ATF7IP: variants seen among roughly 807,000 people sequenced by gnomAD.
The protein encoded by ATF7IP is activating transcription factor 7-interacting protein 1.
In ATF7IP, 23 loss-of-function variants were observed where a neutral mutation model predicts 106.4. That is an observed-to-expected ratio of 0.22 (90% CI 0.16 to 0.31). The LOEUF (loss-of-function observed/expected upper bound fraction) is 0.31. ATF7IP is among the 10% of genes least tolerant of loss of function. The pLI is 1.00. For missense variants in ATF7IP, 1,334 were observed against 1,524.3 expected (o/e 0.88, Z 2.08); for synonymous variants, 542 against 539.0 (o/e 1.01, Z -0.08).
intron 13 of ATF7IP, among the ~76,000 whole-genome samples, chr12:14,491,459 C>T (rs1017243765): frequency 6.6e-6 from 1 of 152,186 alleles, no homozygotes; most frequent in African/African-American, 2.4e-5. Context: ...ATTTCCCATC[C>T]TCTGGCACAC....
intron 1 of ATF7IP, chr12:14,385,068 G>A (rs1448619057): frequency 3.7e-6 from 1 of 267,300 alleles, no homozygotes; most frequent in African/African-American, 2.2e-5. Context: ...TTGCAAGACG[G>A]GATTCACAGG....
At chr12:14,423,574 CTTT>C in intron 1 of ATF7IP, among the ~76,000 whole-genome samples, 4 of 34,428 alleles carry the variant, frequency 1.2e-4, no homozygotes, top group Admixed American at 3.7e-4. Flanking sequence ...TCTTCAGGTA[CTTT>C]TTTTTTTTTT....
At chr12:14,377,126 C>G (rs117565590) in intron 1 of ATF7IP, among the ~76,000 whole-genome samples, 1 of 151,548 alleles carries the variant, frequency 6.6e-6, no homozygotes, top group Non-Finnish European at 1.5e-5. Flanking sequence ...TTCCGAGTAG[C>G]TGGGATTACA....
At chr12:14,464,164 T>G (rs1244699775) in intron 9 of ATF7IP, among the ~76,000 whole-genome samples, 1 of 151,968 alleles carries the variant, frequency 6.6e-6, no homozygotes, top group African/African-American at 2.4e-5. Flanking sequence ...AATAAAAAAT[T>G]AGCTTGGCAT....
chr12:14,460,538 T>G lies in ATF7IP; in HGVS notation c.2202T>G (p.Ser734Arg). 6.2e-7 allele frequency: 1 copy of G among 1,614,164 alleles called. No homozygotes were observed. The highest frequency in any genetic ancestry group is 8.5e-7 in the Non-Finnish European group (1 of 1,180,012). Reference protein sequence around the residue: ...NLVTPPAVVSSQPKLQTPVTS... With the variant: ...NLVTPPAVVSRQPKLQTPVTS... Reference sequence around the variant, plus strand: ...TCACTCCTCCAGCAGTTGTCAGTAGTCAACCTAAATTGCAGACTCCAGTGA... The same window carrying G: ...TCACTCCTCCAGCAGTTGTCAGTAGGCAACCTAAATTGCAGACTCCAGTGA... The change falls in exon 9 of 15, where the codon AGT (serine) becomes AGG (arginine). Residue 734 changes from serine (S) to arginine (R), a missense_variant. Ser to Arg is a moderately radical substitution (Grantham distance 110). This residue lies in a region of ATF7IP where 171 missense variants were observed against 172.6 expected (regional missense o/e 0.99). Transcript: ENST00000261168.
rs138172804 is a variant in ATF7IP at position 14,398,037 on chromosome 12, A to G, written c.-7-25872A>G. Among the ~76,000 whole-genome samples, 74 of 152,186 alleles carry G rather than the reference A, an allele frequency of 4.9e-4. No homozygotes were observed. In the East Asian group the frequency reaches 0.012, roughly 24 times the overall value. ...TATTTGAAACAATTGTTACGTTATT[A>G]TGTTTTCTTAATAATTTCTCATGTT... is the stretch of plus-strand genomic sequence containing the variant. On this transcript the variant is annotated intron_variant, in intron 1 of 14. Transcript: ENST00000261168.
chr12:14,439,320 C>T (rs1217903002), intron 5 of ATF7IP, among the ~76,000 whole-genome samples: 2 of 152,158 alleles, frequency 1.3e-5, no homozygotes, highest in Non-Finnish European at 2.9e-5. Context: ...CCATGGAAGT[C>T]AAATCACTTT....
In ATF7IP at chr12:14,502,685, A is replaced by G. The variant is rs1403308973; in HGVS notation, c.*4612A>G. On this transcript the variant is annotated 3_prime_UTR_variant, in exon 15 of 15. Transcript: ENST00000261168. ...TGCATCCTAATTTTTCTTTATTGCA[A>G]TTGAAAGTGTAAATAATAAGACAAT... is the stretch of plus-strand genomic sequence containing the variant. 6.6e-6 allele frequency: 1 copy of G among 152,178 alleles called. No homozygotes were observed. Among genetic ancestry groups the G allele is most frequent in the East Asian group, 1.9e-4 (1 of 5,200 alleles). 9.4% of individuals were successfully genotyped at this position (152,178 alleles called of 1,614,324 possible). A position where few individuals can be genotyped will look rare whatever the true frequency, so the allele number is the denominator to read the frequency against.
At chr12:14,388,087 C>T (rs1379033000) in intron 1 of ATF7IP, among the ~76,000 whole-genome samples, 1 of 149,446 alleles carries the variant, frequency 6.7e-6, no homozygotes, top group Non-Finnish European at 1.5e-5. Context: ...TTCCTCGGCT[C>T]ACTGCACCCT....
In ATF7IP at chr12:14,424,582, G is replaced by T. The variant is rs762696534; in HGVS notation, c.667G>T (p.Asp223Tyr). 1.2e-6 allele frequency: 2 copies of T among 1,614,170 alleles called. No individual in the cohort carries two copies. The highest frequency in any genetic ancestry group is 1.7e-6 in the Non-Finnish European group (2 of 1,180,038). The change falls in exon 2 of 15, where the codon GAT becomes TAT. Residue 223 changes from aspartate (D) to tyrosine (Y), a missense_variant. Asp to Tyr is a radical substitution (Grantham distance 160). Transcript: ENST00000261168. ...EPVPVEPISGDCAADDIASSE... is the reference protein window; with the variant it reads ...EPVPVEPISGYCAADDIASSE... ...GGTCCCTGTTGAACCCATTTCTGGT[G>T]ATTGTGCCGCTGATGATATAGCCTC...
intron 1 of ATF7IP, among the ~76,000 whole-genome samples, chr12:14,379,713 C>A (rs572737475): frequency 2.5e-4 from 38 of 152,254 alleles, no homozygotes; most frequent in South Asian, 1.9e-3. Flanking sequence ...GGTTGAAATT[C>A]TTTTCCTTCA....
intron 1 of ATF7IP, among the ~76,000 whole-genome samples, chr12:14,404,735 T>G (rs1232342508): frequency 5.3e-5 from 8 of 152,156 alleles, no homozygotes. Flanking sequence ...AATGTACAAC[T>G]TAGTAACAAA....
intron 1 of ATF7IP, among the ~76,000 whole-genome samples, chr12:14,409,718 A>G (rs1054520138): frequency 6.6e-6 from 1 of 152,112 alleles, no homozygotes; most frequent in African/African-American, 2.4e-5. Flanking sequence ...TATTTTACAC[A>G]TACTGCCTTT....
intron 2 of ATF7IP, among the ~76,000 whole-genome samples, chr12:14,426,947 C>T (rs1047517662): frequency 5.3e-5 from 8 of 151,806 alleles, no homozygotes; most frequent in Non-Finnish European, 1.2e-4. Context: ...TAGTATTTGC[C>T]CTCAGGATAC....
chr12:14,425,939 C>G (rs1462748796), intron 2 of ATF7IP, among the ~76,000 whole-genome samples: 1 of 152,174 alleles, frequency 6.6e-6, no homozygotes, highest in African/African-American at 2.4e-5. Flanking sequence ...CCAGGAATGA[C>G]AGCACCATTG....
chr12:14,431,793 G>A (rs1399965578), intron 2 of ATF7IP, among the ~76,000 whole-genome samples: 1 of 152,136 alleles, frequency 6.6e-6, no homozygotes, highest in Non-Finnish European at 1.5e-5. Context: ...AAGGGCCTTT[G>A]ATTATTACTC....
chr12:14,462,518 T>G (rs919738773), intron 9 of ATF7IP, among the ~76,000 whole-genome samples: 3 of 152,064 alleles, frequency 2.0e-5, no homozygotes, highest in Non-Finnish European at 4.4e-5. Flanking sequence ...AGATATATTC[T>G]TAAATAGAGA....
At chr12:14,420,769 C>CTT (rs922550435) in intron 1 of ATF7IP, among the ~76,000 whole-genome samples, 19 of 152,218 alleles carry the variant, frequency 1.2e-4, no homozygotes, top group Admixed American at 9.2e-4. Flanking sequence ...AACAGCATGG[C>CTT]TTAACTGTAA....
intron 6 of ATF7IP, among the ~76,000 whole-genome samples, chr12:14,451,731 A>G (rs983888166): frequency 2.0e-5 from 3 of 151,950 alleles, no homozygotes; most frequent in East Asian, 1.9e-4. Context: ...GATACTTGGT[A>G]TGATTTCATT....
Sources: gnomAD v4.1 joint callset for allele counts (sites outside exome capture counted in the v4.1 genomes callset) on GRCh38, gnomAD v4.1.1 for gene constraint, gnomAD v4.1.1 regional missense constraint, MANE v1.5 for transcripts, NCBI Gene and HGNC (gene_info 2026-07-23, HGNC 2026-07-21) for gene names.